Variants in JMJD1C observed in about 807,000 individuals in gnomAD.
The protein encoded by JMJD1C is jumonji domain containing 1C, also known as jumonji domain-containing protein 1C.
In JMJD1C, 31 loss-of-function variants were observed where a neutral mutation model predicts 245.3. The ratio of observed to expected loss-of-function variants is 0.13; its 90% CI spans 0.09 to 0.17. JMJD1C has a LOEUF of 0.17. JMJD1C is among the 10% of genes least tolerant of loss of function. The pLI is 1.00. For missense variants in JMJD1C, 2,691 were observed against 3,000.2 expected, an observed-to-expected ratio of 0.90 and a Z score of 2.41; for synonymous variants, 1,057 against 1,017.4, an observed-to-expected ratio of 1.04 and a Z score of -0.74.
chr10:63,404,529 G>A (rs371830960), intron 1 of JMJD1C, among the ~76,000 whole-genome samples: 9 of 152,014 alleles, frequency 5.9e-5, no homozygotes, highest in Non-Finnish European at 8.8e-5. Flanking sequence ...CTATAGCTAC[G>A]TGCTAGCATA....
chr10:63,397,707 A>AT (rs939384375), intron 1 of JMJD1C, among the ~76,000 whole-genome samples: 3 of 151,354 alleles, frequency 2.0e-5, no homozygotes, highest in Admixed American at 1.3e-4. Context: ...TAAGTTTTTT[A>AT]TTTTTTTCTA....
rs558357954 is a variant in JMJD1C at position 63,391,228 on chromosome 10, T to A, written c.169-10746A>T. Among the ~76,000 whole-genome samples, 4 of 152,128 alleles carry A rather than the reference T, an allele frequency of 2.6e-5. No homozygotes were observed. The South Asian group carries it at 8.3e-4, about 32-fold the overall frequency. ...ATAGCTGAGAAACATATCAAGAAGG[T>A]GGCCAGGCGTGGTGGCTGATGCCTG... On this transcript the variant is annotated intron_variant, in intron 1 of 25. Transcript: ENST00000399262.
At chr10:63,360,984 G>A (rs1945277870) in intron 2 of JMJD1C, among the ~76,000 whole-genome samples, 1 of 151,844 alleles carries the variant, frequency 6.6e-6, no homozygotes, top group Non-Finnish European at 1.5e-5. Flanking sequence ...ACTTTCAATT[G>A]TTTTCCATTA....
intron 2 of JMJD1C, among the ~76,000 whole-genome samples, chr10:63,342,395 C>T (rs1943459615): frequency 6.6e-6 from 1 of 152,184 alleles, no homozygotes; most frequent in Admixed American, 6.5e-5. Flanking sequence ...AGACAAAAAC[C>T]ATTGTTAATG....
At chr10:63,517,469 C>T (rs984819633) in intron 1 of JMJD1C, among the ~76,000 whole-genome samples, 2 of 152,114 alleles carry the variant, frequency 1.3e-5, no homozygotes, top group Non-Finnish European at 2.9e-5. Flanking sequence ...ATCCTATTAC[C>T]GGTAGTAGAA....
At chr10:63,171,845 AAC>A (rs552754820) in intron 24 of JMJD1C, among the ~76,000 whole-genome samples, 2 of 152,346 alleles carry the variant, frequency 1.3e-5, no homozygotes, top group South Asian at 4.1e-4. Context: ...TGAAGTCATT[AAC>A]AGTTTTCAGA....
At chr10:63,401,898 G>A (rs1948878536) in intron 1 of JMJD1C, among the ~76,000 whole-genome samples, 2 of 152,108 alleles carry the variant, frequency 1.3e-5, no homozygotes, top group African/African-American at 4.8e-5. Context: ...ACTTTGGGAG[G>A]CCGAGGCAGG....
chr10:63,258,596 G>GATTACC (rs1403297639), intron 3 of JMJD1C, among the ~76,000 whole-genome samples: 12 of 151,990 alleles, frequency 7.9e-5, no homozygotes, highest in African/African-American at 2.7e-4. Context: ...CAAATGTCTG[G>GATTACC]ATTACCATTA....
At chr10:63,304,365 G>A (rs940620680) in intron 2 of JMJD1C, among the ~76,000 whole-genome samples, 15 of 152,140 alleles carry the variant, frequency 9.9e-5, no homozygotes, top group African/African-American at 3.4e-4. Flanking sequence ...CAGATTGCTG[G>A]CTACATCTGA....
intron 2 of JMJD1C, among the ~76,000 whole-genome samples, chr10:63,367,041 G>A (rs1490090894): frequency 6.6e-6 from 1 of 152,096 alleles, no homozygotes; most frequent in African/African-American, 2.4e-5. Context: ...AAAAGAAAGA[G>A]GAGATTCAAG....
intron 2 of JMJD1C, among the ~76,000 whole-genome samples, chr10:63,298,060 A>G (rs559847151): frequency 6.6e-6 from 1 of 152,240 alleles, no homozygotes; most frequent in Non-Finnish European, 1.5e-5. Context: ...GCAGCCTCAC[A>G]ATGGGGCCAG....
At chr10:63,223,701 T>C (rs1848906344) in intron 3 of JMJD1C, among the ~76,000 whole-genome samples, 1 of 152,192 alleles carries the variant, frequency 6.6e-6, no homozygotes, top group Non-Finnish European at 1.5e-5. Flanking sequence ...TTTTATAAGT[T>C]ATAACTACTA....
At chr10:63,312,277 T>A (rs542981096) in intron 2 of JMJD1C, among the ~76,000 whole-genome samples, 1 of 152,064 alleles carries the variant, frequency 6.6e-6, no homozygotes, top group African/African-American at 2.4e-5. Flanking sequence ...CCAGCTAATT[T>A]CTGTATTTTT....
chr10:63,518,412 A>T (rs1955093372), intron 1 of JMJD1C, among the ~76,000 whole-genome samples: 2 of 152,242 alleles, frequency 1.3e-5, no homozygotes, highest in South Asian at 4.1e-4. Context: ...AGACATGAAA[A>T]TGATTTATAA....
At chr10:63,326,757 T>A (rs1228502631) in intron 2 of JMJD1C, among the ~76,000 whole-genome samples, 1 of 152,148 alleles carries the variant, frequency 6.6e-6, no homozygotes. Context: ...TGGGTGCCTA[T>A]AATCTCAGCT....
intron 1 of JMJD1C, among the ~76,000 whole-genome samples, chr10:63,487,532 A>G (rs573338509): frequency 7.9e-5 from 12 of 152,362 alleles, no homozygotes; most frequent in African/African-American, 2.9e-4. Flanking sequence ...CCAAAATGTC[A>G]ATAGTGCTGA....
At chr10:63,343,411 C>T (rs911386856) in intron 2 of JMJD1C, among the ~76,000 whole-genome samples, 8 of 151,292 alleles carry the variant, frequency 5.3e-5, no homozygotes, top group Non-Finnish European at 1.0e-4. Flanking sequence ...TATGCTAACA[C>T]ATGGACTAAT....
chr10:63,389,795 C>T (rs1476072797), intron 1 of JMJD1C, among the ~76,000 whole-genome samples: 2 of 152,060 alleles, frequency 1.3e-5, no homozygotes, highest in Admixed American at 6.6e-5. Context: ...TAAATGACCA[C>T]TAGGTCAAGA....
chr10:63,404,769 G>T lies in JMJD1C; in HGVS notation c.169-24287C>A, dbSNP rs537998260. On this transcript the variant is annotated intron_variant, in intron 1 of 25. Coordinates refer to ENST00000399262, the MANE Select transcript of JMJD1C (RefSeq NM_032776.3). ...GACAACATAGTAATTAGGGAAGGAG[G>T]ATAAAGAGAAGCAATTATTAACTTA... is the stretch of plus-strand genomic sequence containing the variant. Among the ~76,000 whole-genome samples the T allele has an allele frequency of 3.3e-5, 5 of 152,186 alleles. No individual in the cohort carries two copies. In the East Asian group the frequency reaches 9.6e-4, roughly 29 times the overall value.
Sources: allele counts gnomAD v4.1 joint callset (sites outside exome capture counted in the v4.1 genomes callset), GRCh38; gene constraint gnomAD v4.1.1; transcripts MANE v1.5; gene names NCBI Gene and HGNC (gene_info 2026-07-23, HGNC 2026-07-21).